RAP1GAP2: variants seen among roughly 807,000 people sequenced by gnomAD.
RAP1GAP2 encodes rap1 GTPase-activating protein 2.
Under a neutral mutation model 95.0 loss-of-function variants are expected in RAP1GAP2, and 27 were observed. That is an observed-to-expected ratio of 0.28 (90% CI 0.21 to 0.39). The LOEUF (loss-of-function observed/expected upper bound fraction) is 0.39, where lower values mean the gene tolerates loss of function less well. Ranked by LOEUF, RAP1GAP2 falls within the 10% of genes least tolerant of loss-of-function variation. The probability of loss-of-function intolerance (pLI) is 1.00; values close to 1 mark genes in which losing one functional copy is unlikely to be tolerated. For synonymous variants in RAP1GAP2, 373 were observed against 380.9 expected (o/e 0.98, Z 0.24); for missense variants, 771 against 970.0 (o/e 0.79, Z 2.72).
chr17:2,962,970 G>A (rs1233819260), intron 5 of RAP1GAP2: 8 of 529,084 alleles, frequency 1.5e-5, no homozygotes, highest in East Asian at 3.3e-5. Context: ...AGGCTTGGCC[G>A]TTTGGCCCGG....
At chr17:2,766,621 G>A (rs993245749) in intron 1 of RAP1GAP2, among the ~76,000 whole-genome samples, 5 of 151,638 alleles carry the variant, frequency 3.3e-5, no homozygotes, top group African/African-American at 9.7e-5. Flanking sequence ...AAAAAAAAAA[G>A]TGGAGCCCTC....
chr17:2,767,464 C>T (rs2151761509), intron 1 of RAP1GAP2, among the ~76,000 whole-genome samples: 1 of 151,820 alleles, frequency 6.6e-6, no homozygotes, highest in South Asian at 2.1e-4. Context: ...CTCATCCACC[C>T]TCTTCTCTCT....
intron 1 of RAP1GAP2, among the ~76,000 whole-genome samples, chr17:2,781,698 GT>G (rs1320284365): frequency 7.3e-6 from 1 of 136,526 alleles, no homozygotes; most frequent in African/African-American, 2.8e-5. Context: ...GTCTCTGTGT[GT>G]GCACGTCTCT....
rs78241733 is a variant in RAP1GAP2, at chr17:2,997,014, C to T, written c.1045-1207C>T. Among the ~76,000 whole-genome samples, 7 of 152,272 alleles carry T rather than the reference C, an allele frequency of 4.6e-5. No individual in the cohort carries two copies. In the East Asian group the frequency reaches 1.3e-3, roughly 29 times the overall value. On this transcript the variant is annotated intron_variant, in intron 13 of 24. Transcript: ENST00000254695. The stretch of plus-strand genomic sequence containing the variant: ...TGTGTGAGGAGGGCTGTCACTCTCT[C>T]ACCCAGGCTGGAGTGCAGTGGTGCG...
chr17:2,929,499 C>G (rs973506693), intron 3 of RAP1GAP2, among the ~76,000 whole-genome samples: 17 of 152,182 alleles, frequency 1.1e-4, no homozygotes, highest in Admixed American at 7.2e-4. Context: ...ACATGGCTGC[C>G]TGGGGCATCT....
At chr17:2,865,284 A>C (rs2072575721) in intron 2 of RAP1GAP2, among the ~76,000 whole-genome samples, 2 of 152,126 alleles carry the variant, frequency 1.3e-5, no homozygotes, top group South Asian at 4.1e-4. Flanking sequence ...AGGAGTTAAG[A>C]ACTCTGGCAC....
intron 17 of RAP1GAP2, among the ~76,000 whole-genome samples, chr17:3,011,427 G>A (rs1359259534): frequency 6.6e-6 from 1 of 152,162 alleles, no homozygotes; most frequent in African/African-American, 2.4e-5. Flanking sequence ...GTCTGGCCCA[G>A]CTCAGGAAAC....
At chr17:2,791,066 G>A (rs948738196) in intron 1 of RAP1GAP2, among the ~76,000 whole-genome samples, 1 of 152,252 alleles carries the variant, frequency 6.6e-6, no homozygotes. Context: ...TTAGCCAGGT[G>A]TGGTGGCAGG....
chr17:2,867,273 T>C lies in RAP1GAP2; in HGVS notation c.81-38011T>C, dbSNP rs2072654272. On this transcript the variant is annotated intron_variant, in intron 2 of 24. Coordinates refer to ENST00000254695, the MANE Select transcript of RAP1GAP2 (RefSeq NM_015085.5). This position sits in a 1 kb window ranked among gnomAD's most constrained non-coding sequence, Gnocchi z 4.5. ...TGGCAAGCCCCAATTCAAATTAATGTAAAGAAAAAATGAAGCTTTGGGGTT... is the reference window on the plus strand; with the variant it reads ...TGGCAAGCCCCAATTCAAATTAATGCAAAGAAAAAATGAAGCTTTGGGGTT... 6.6e-6 allele frequency among the ~76,000 whole-genome samples: 1 copy of C among 152,134 alleles called. No homozygotes were observed. Among genetic ancestry groups the C allele is most frequent in the African/African-American group, 2.4e-5 (1 of 41,382 alleles).
chr17:2,905,027 G>A (rs147806636), intron 2 of RAP1GAP2, among the ~76,000 whole-genome samples: 35 of 152,198 alleles, frequency 2.3e-4, no homozygotes, highest in African/African-American at 7.9e-4. Flanking sequence ...GACTACAGGC[G>A]TGCACCACCA....
chr17:2,924,424 T>C (rs1298710639), intron 3 of RAP1GAP2, among the ~76,000 whole-genome samples: 1 of 152,100 alleles, frequency 6.6e-6, no homozygotes, highest in African/African-American at 2.4e-5. Flanking sequence ...GTTTCTGAAA[T>C]GTCAGATGTT....
At chr17:2,909,405 T>TG (rs1010696628) in intron 3 of RAP1GAP2, among the ~76,000 whole-genome samples, 8 of 151,624 alleles carry the variant, frequency 5.3e-5, no homozygotes, top group African/African-American at 1.9e-4. Flanking sequence ...TGTTGAGGAA[T>TG]GGGTGGAGAT....
intron 17 of RAP1GAP2, among the ~76,000 whole-genome samples, chr17:3,016,283 G>A (rs565940957): frequency 1.3e-5 from 2 of 152,354 alleles, no homozygotes; most frequent in African/African-American, 4.8e-5. Context: ...CAGTGGATAT[G>A]CCCTCCTCTG....
chr17:2,855,891 G>A lies in RAP1GAP2; in HGVS notation c.81-49393G>A, dbSNP rs1013633229. 6.6e-6 allele frequency among the ~76,000 whole-genome samples: 1 copy of A among 152,222 alleles called. No individual in the cohort carries two copies. The highest frequency in any genetic ancestry group is 1.5e-5 in the Non-Finnish European group (1 of 68,044). On this transcript the variant is annotated intron_variant, in intron 2 of 24. Transcript: ENST00000254695. The surrounding 1 kb of genome is among the most constrained non-coding windows in gnomAD (Gnocchi z 4.3). ...GGCCTCTCAAAGTGCTGGGATTACA[G>A]GCATGAGCCACCGTGCCCGGCTGAA...
At chr17:2,865,924 A>G (rs1157201976) in intron 2 of RAP1GAP2, among the ~76,000 whole-genome samples, 1 of 152,232 alleles carries the variant, frequency 6.6e-6, no homozygotes, top group East Asian at 1.9e-4. Flanking sequence ...TTGTGTCCCA[A>G]ACGTTCATTC....
chr17:3,019,462 C>T (rs927412770), intron 18 of RAP1GAP2, among the ~76,000 whole-genome samples: 7 of 151,848 alleles, frequency 4.6e-5, no homozygotes, highest in Non-Finnish European at 7.4e-5. Flanking sequence ...TCTAGCGAGC[C>T]GTAATTGGGC....
At chr17:2,787,712 C>T (rs1434131905) in intron 1 of RAP1GAP2, among the ~76,000 whole-genome samples, 1 of 152,018 alleles carries the variant, frequency 6.6e-6, no homozygotes, top group African/African-American at 2.4e-5. Context: ...GGAATACAGG[C>T]GCATGCCGCC....
intron 2 of RAP1GAP2, among the ~76,000 whole-genome samples, chr17:2,832,699 A>G (rs2070941508): frequency 6.6e-6 from 1 of 151,128 alleles, no homozygotes; most frequent in Admixed American, 6.6e-5. Flanking sequence ...GTGGCTGGCC[A>G]GGTGCATTGA....
In RAP1GAP2 at chr17:2,963,526, A is replaced by T; in HGVS notation, c.279+64A>T. ...TGCTCTGGGTCCCGTCCCTGGGGAA[A>T]TGATGGCGATGGCCTGTGCCCAGCC... On this transcript the variant is annotated intron_variant, in intron 6 of 24. Transcript: ENST00000254695. This position sits in a 1 kb window ranked among gnomAD's most constrained non-coding sequence, Gnocchi z 4.8. 1.3e-6 allele frequency: 2 copies of T among 1,598,306 alleles called. No homozygotes were observed. The highest frequency in any genetic ancestry group is 1.7e-6 in the Non-Finnish European group (2 of 1,165,820).
Sources: gnomAD v4.1 joint callset for allele counts (sites outside exome capture counted in the v4.1 genomes callset) on GRCh38, gnomAD v4.1.1 for gene constraint, Gnocchi (gnomAD v3.1) non-coding constraint, MANE v1.5 for transcripts, NCBI Gene and HGNC (gene_info 2026-07-23, HGNC 2026-07-21) for gene names.